The following LARGE1 variants were observed in gnomAD, a reference collection of about 807,000 sequenced individuals.
LARGE1 encodes xylosyl- and glucuronyltransferase LARGE1.
Under a neutral mutation model 87.6 loss-of-function variants are expected in LARGE1, and 43 were observed. That is an observed-to-expected ratio of 0.49 (90% CI 0.38 to 0.63). The LOEUF is 0.63. Among genes scored for constraint, LARGE1 ranks in the 30% least tolerant of loss-of-function variants. LARGE1 has a pLI of 0.00. For missense variants in LARGE1, 802 were observed against 1,000.2 expected (o/e 0.80, Z 2.67); for synonymous variants, 434 against 394.6 (o/e 1.10, Z -1.18).
At chr22:33,627,234 T>C (rs555496173) in intron 3 of LARGE1, among the ~76,000 whole-genome samples, 1 of 152,340 alleles carries the variant, frequency 6.6e-6, no homozygotes, top group South Asian at 2.1e-4. Flanking sequence ...TCCTGCATCA[T>C]AGCAGTTATC....
intron 1 of LARGE1, among the ~76,000 whole-genome samples, chr22:33,772,319 C>T (rs1221535463): frequency 3.4e-5 from 5 of 145,370 alleles, no homozygotes; most frequent in Non-Finnish European, 7.5e-5. Flanking sequence ...GGCAACAGAG[C>T]GAGACTCTGC....
At chr22:33,416,536 G>A (rs183494561) in intron 7 of LARGE1, among the ~76,000 whole-genome samples, 2 of 152,036 alleles carry the variant, frequency 1.3e-5, no homozygotes, top group East Asian at 1.9e-4. Context: ...GGGTCATCTA[G>A]TGTTTTGTGT....
At chr22:33,352,904 C>G (rs1940525065) in intron 9 of LARGE1, among the ~76,000 whole-genome samples, 1 of 152,156 alleles carries the variant, frequency 6.6e-6, no homozygotes, top group Non-Finnish European at 1.5e-5. Context: ...AAAGGGAGTT[C>G]TACAAAGGAG....
At chr22:33,392,675 A>G (rs893878552) in intron 7 of LARGE1, among the ~76,000 whole-genome samples, 1 of 152,076 alleles carries the variant, frequency 6.6e-6, no homozygotes, top group African/African-American at 2.4e-5. Context: ...AACAACAACA[A>G]CAACAAAAGC....
chr22:33,231,797 T>C (rs1926017594), intron 11 of LARGE1, among the ~76,000 whole-genome samples: 2 of 152,352 alleles, frequency 1.3e-5, no homozygotes, highest in East Asian at 1.9e-4. Context: ...TTCATCACTT[T>C]ACTTTTGCTA....
chr22:33,601,099 C>T (rs2148964021), intron 5 of LARGE1, among the ~76,000 whole-genome samples: 1 of 152,160 alleles, frequency 6.6e-6, no homozygotes, highest in East Asian at 1.9e-4. Flanking sequence ...AAAACTGTGG[C>T]CTCTAGCTCA....
At chr22:33,095,901 A>C in the LARGE1 span, among the ~76,000 whole-genome samples, 1 of 152,154 alleles carries the variant, frequency 6.6e-6, no homozygotes, top group Non-Finnish European at 1.5e-5. Context: ...CAGAGTGCTC[A>C]TGACTAATTC....
At chr22:33,826,853 A>T (rs574875858) in intron 1 of LARGE1, among the ~76,000 whole-genome samples, 40 of 149,114 alleles carry the variant, frequency 2.7e-4, no homozygotes, top group Non-Finnish European at 4.0e-4. Context: ...AAAAAACAAT[A>T]AAAAAAAATT....
At chr22:33,865,483 T>A (rs1222330076) in intron 1 of LARGE1, among the ~76,000 whole-genome samples, 1 of 152,174 alleles carries the variant, frequency 6.6e-6, no homozygotes, top group Non-Finnish European at 1.5e-5. Flanking sequence ...AACAGTGAGT[T>A]CGCAAGCCTG....
At chr22:33,112,134 T>TTGC in the LARGE1 span, among the ~76,000 whole-genome samples, 2 of 152,100 alleles carry the variant, frequency 1.3e-5, no homozygotes, top group African/African-American at 4.8e-5. Flanking sequence ...GTGTAGAGAA[T>TTGC]AGTTTGCAGG....
chr22:33,800,683 G>GTAA (rs2086133226), intron 1 of LARGE1, among the ~76,000 whole-genome samples: 1 of 152,118 alleles, frequency 6.6e-6, no homozygotes, highest in Non-Finnish European at 1.5e-5. Context: ...TGCACTCAAC[G>GTAA]TAATAGCCTT....
intron 10 of LARGE1, among the ~76,000 whole-genome samples, chr22:33,323,969 C>T (rs1044858867): frequency 3.4e-4 from 52 of 152,136 alleles, no homozygotes; most frequent in Non-Finnish European, 7.3e-5. Context: ...CGGTGGCTCA[C>T]GCCTATAATC....
chr22:33,289,225 T>C (rs1932099152), intron 12 of LARGE1, among the ~76,000 whole-genome samples: 1 of 152,310 alleles, frequency 6.6e-6, no homozygotes, highest in Admixed American at 6.5e-5. Flanking sequence ...CCCAAAGTGC[T>C]GGAATTACAG....
intron 5 of LARGE1, among the ~76,000 whole-genome samples, chr22:33,600,169 T>C (rs2079077449): frequency 6.6e-6 from 1 of 152,220 alleles, no homozygotes; most frequent in Admixed American, 6.5e-5. Context: ...CCATCGGTTT[T>C]ATTATTCTTA....
At chr22:33,808,214 T>C (rs2086375298) in intron 1 of LARGE1, among the ~76,000 whole-genome samples, 1 of 152,256 alleles carries the variant, frequency 6.6e-6, no homozygotes, top group South Asian at 2.1e-4. Context: ...TGTGTAGCAG[T>C]ACGTCACTGT....
intron 11 of LARGE1, among the ~76,000 whole-genome samples, chr22:33,240,593 T>C (rs1333089056): frequency 6.6e-6 from 1 of 152,190 alleles, no homozygotes; most frequent in Non-Finnish European, 1.5e-5. Context: ...TGAGATCAGG[T>C]TGTGTAAGTC....
chr22:33,915,542 T>G (rs2065761969), intron 1 of LARGE1, among the ~76,000 whole-genome samples: 1 of 152,220 alleles, frequency 6.6e-6, no homozygotes, highest in Non-Finnish European at 1.5e-5. Context: ...GAGGGCAGAC[T>G]TAGGGTTGAT....
At chr22:33,394,926 T>G (rs1028608992) in intron 7 of LARGE1, among the ~76,000 whole-genome samples, 1 of 151,962 alleles carries the variant, frequency 6.6e-6, no homozygotes, top group Admixed American at 6.5e-5. Flanking sequence ...ATCCCAATCA[T>G]TATAAAAGGC....
At chr22:33,541,754 A>G (rs971472148) in intron 6 of LARGE1, among the ~76,000 whole-genome samples, 1 of 151,888 alleles carries the variant, frequency 6.6e-6, no homozygotes, top group Non-Finnish European at 1.5e-5. Flanking sequence ...AATTAAAAAA[A>G]AAAAAAAAAG....
Sources: gnomAD v4.1 joint callset for allele counts (sites outside exome capture counted in the v4.1 genomes callset) on GRCh38, gnomAD v4.1.1 for gene constraint, MANE v1.5 for transcripts, NCBI Gene and HGNC (gene_info 2026-07-23, HGNC 2026-07-21) for gene names.